The following KIAA0930 variants were observed in gnomAD, a reference collection of about 807,000 sequenced individuals.
The protein encoded by KIAA0930 is uncharacterized protein KIAA0930.
A neutral mutation model predicts 43.9 loss-of-function variants in KIAA0930; 24 were observed. The ratio of observed to expected loss-of-function variants is 0.55; its 90% CI spans 0.40 to 0.77. The LOEUF (loss-of-function observed/expected upper bound fraction) is 0.77. KIAA0930 is among the 30% of genes least tolerant of loss of function. KIAA0930 has a pLI of 0.00. For missense variants in KIAA0930, 461 were observed against 574.2 expected, an observed-to-expected ratio of 0.80 and a Z score of 2.02; for synonymous variants, 259 against 216.4, an observed-to-expected ratio of 1.20 and a Z score of -1.73.
At chr22:45,201,390 C>T (rs1277430267) in intron 7 of KIAA0930, among the ~76,000 whole-genome samples, 1 of 152,196 alleles carries the variant, frequency 6.6e-6, no homozygotes, top group Non-Finnish European at 1.5e-5. Flanking sequence ...GACTTTCACA[C>T]CCCTCACAGC....
rs1194858875 is a variant in KIAA0930 at position 45,193,873 on chromosome 22, A to G, written c.*3303T>C. ...AGGGTATAAACGGAGACCACCTATC[A>G]CTCATCAGAACCTAGGATCATCACA... is the stretch of plus-strand genomic sequence containing the variant. On this transcript the variant is annotated 3_prime_UTR_variant, in exon 10 of 10. Coordinates refer to ENST00000336156, the MANE Select transcript of KIAA0930 (RefSeq NM_001009880.2). The G allele has an allele frequency of 6.6e-6, 1 of 151,960 alleles. No homozygotes were observed. Among genetic ancestry groups the G allele is most frequent in the East Asian group, 1.9e-4 (1 of 5,186 alleles). 9.4% of individuals were successfully genotyped at this position (151,960 alleles called of 1,614,324 possible).
At chr22:45,200,081 T>A (rs752823304) in intron 7 of KIAA0930, 46 bp from the exon 8 acceptor site, 4 of 1,521,930 alleles carry the variant, frequency 2.6e-6, no homozygotes, top group Non-Finnish European at 3.5e-6. Context: ...AACAGCCCCC[T>A]CCCCGGGGGT....
Position 45,230,234 on chromosome 22 carries a change from G to T in KIAA0930, c.64+10406C>A, listed in dbSNP as rs151004635. ...AGGAGTGCAGGGGAGAGCAGACACA[G>T]GGCGGGCAGCGAGTCACGTCTTGGT... On this transcript the variant is annotated intron_variant, in intron 1 of 9. Transcript: ENST00000336156. Among the ~76,000 whole-genome samples the T allele has an allele frequency of 2.2e-4, 34 of 152,324 alleles. No homozygotes were observed. In the East Asian group the frequency reaches 4.8e-3, roughly 22 times the overall value.
In KIAA0930 at chr22:45,194,324, C is replaced by T. The variant is rs997294790; in HGVS notation, c.*2852G>A. The T allele has an allele frequency of 2.0e-5, 3 of 152,120 alleles. No homozygotes were observed. The highest frequency in any genetic ancestry group is 7.2e-5 in the African/African-American group (3 of 41,404). 9.4% of individuals were successfully genotyped at this position (152,120 alleles called of 1,614,324 possible). On this transcript the variant is annotated 3_prime_UTR_variant, in exon 10 of 10. Coordinates refer to ENST00000336156, the MANE Select transcript of KIAA0930 (RefSeq NM_001009880.2). Reference sequence around the variant, plus strand: ...TCCTGATCTCAGGTGATCCACCCATCTCAGCCTCCCAAAGTGCTGGGATTA... The same window carrying T: ...TCCTGATCTCAGGTGATCCACCCATTTCAGCCTCCCAAAGTGCTGGGATTA...
intron 3 of KIAA0930, 23 bp downstream of exon 3, chr22:45,205,770 G>GGGGGC: frequency 5.8e-5 from 89 of 1,523,390 alleles, no homozygotes; most frequent in Non-Finnish European, 7.6e-5. Flanking sequence ...CCAATCCGCA[G>GGGGGC]CCCCACCCAT....
intron 1 of KIAA0930, among the ~76,000 whole-genome samples, chr22:45,222,304 CTA>C (rs1487425233): frequency 6.6e-6 from 1 of 152,118 alleles, no homozygotes; most frequent in Non-Finnish European, 1.5e-5. Context: ...ATCAATCAAA[CTA>C]TATAAACACT....
At chr22:45,213,241 G>T in intron 1 of KIAA0930, 1 of 1,164,366 alleles carries the variant, frequency 8.6e-7, no homozygotes, top group Non-Finnish European at 1.1e-6. Flanking sequence ...AGGACTCACA[G>T]CCAGCCCCAG....
At chr22:45,216,809 C>T (rs184247560) in intron 1 of KIAA0930, among the ~76,000 whole-genome samples, 113 of 152,212 alleles carry the variant, frequency 7.4e-4, no homozygotes, top group Admixed American at 2.0e-3. Flanking sequence ...GATGTGGCCC[C>T]GAAAGCTGAG....
chr22:45,238,806 G>A (rs1167780079), intron 1 of KIAA0930, among the ~76,000 whole-genome samples: 2 of 151,976 alleles, frequency 1.3e-5, no homozygotes, highest in African/African-American at 2.4e-5. Context: ...AGGCTCTGAG[G>A]TCAGGCTGGC....
chr22:45,215,363 G>A (rs981413918), intron 1 of KIAA0930, among the ~76,000 whole-genome samples: 1 of 152,292 alleles, frequency 6.6e-6, no homozygotes, highest in African/African-American at 2.4e-5. Flanking sequence ...GGAACTCTCC[G>A]ATATGCTAGA....
chr22:45,226,610 T>C (rs1163136338), intron 1 of KIAA0930, among the ~76,000 whole-genome samples: 2 of 151,948 alleles, frequency 1.3e-5, no homozygotes, highest in Non-Finnish European at 2.9e-5. Context: ...GCTGAAACAG[T>C]GGTTCCATAT....
intron 1 of KIAA0930, among the ~76,000 whole-genome samples, chr22:45,218,534 G>A (rs949880472): frequency 9.9e-5 from 15 of 151,484 alleles, no homozygotes; most frequent in Non-Finnish European, 7.4e-5. Flanking sequence ...AGATCCTCAT[G>A]GCAACTTTAT....
At position 45,197,883 on chromosome 22, in the gene KIAA0930, C is replaced by T; in HGVS notation, c.1081G>A (p.Gly361Arg). 1.2e-6 allele frequency: 2 copies of T among 1,614,194 alleles called. No homozygotes were observed. The highest frequency in any genetic ancestry group is 8.5e-7 in the Non-Finnish European group (1 of 1,180,018). The change falls in exon 9 of 10, where the codon GGG becomes AGG. Residue 361 changes from glycine to arginine, a missense_variant. Transcript: ENST00000336156. The part of the protein sequence containing the change: ...SLSGTGRSLV[G>R]SWLKLNRADG... Reference sequence around the variant, plus strand: ...GCTCTGTTCAGCTTCAGCCAGGACCCGACCAGGGACCGTCCTGTGCCCGAC... The same window carrying T: ...GCTCTGTTCAGCTTCAGCCAGGACCTGACCAGGGACCGTCCTGTGCCCGAC...
chr22:45,218,438 C>G (rs2083747353), intron 1 of KIAA0930, among the ~76,000 whole-genome samples: 1 of 150,136 alleles, frequency 6.7e-6, no homozygotes, highest in South Asian at 2.1e-4. Flanking sequence ...CCTGCCTCAG[C>G]CTCCCAAAGT....
At chr22:45,198,959 A>G (rs1358124359) in intron 8 of KIAA0930, among the ~76,000 whole-genome samples, 1 of 152,076 alleles carries the variant, frequency 6.6e-6, no homozygotes, top group Non-Finnish European at 1.5e-5. Context: ...CCAATCCTTC[A>G]CTTCCATACA....
intron 1 of KIAA0930, among the ~76,000 whole-genome samples, chr22:45,214,492 A>G (rs6007503): frequency 0.092 from 13,938 of 152,316 alleles, 694 homozygotes; most frequent in East Asian, 0.2. Context: ...CTGTATGATC[A>G]CATTCACACG....
intron 1 of KIAA0930, among the ~76,000 whole-genome samples, chr22:45,217,235 C>T (rs1406820255): frequency 6.6e-6 from 1 of 151,902 alleles, no homozygotes; most frequent in Non-Finnish European, 1.5e-5. Context: ...GTGGCGGGCG[C>T]CTGTAATCCC....
chr22:45,209,237 T>G (rs909491), intron 2 of KIAA0930, among the ~76,000 whole-genome samples: 1 of 151,956 alleles, frequency 6.6e-6, no homozygotes, highest in Non-Finnish European at 1.5e-5. Context: ...GGGCGGGAAG[T>G]AGCCAGGCTC....
chr22:45,226,171 G>A (rs1226950925), intron 1 of KIAA0930: 1 of 448,966 alleles, frequency 2.2e-6, no homozygotes, highest in African/African-American at 2.0e-5. Context: ...CTGGCAGGCA[G>A]AACTTTATTC....
Sources: allele counts gnomAD v4.1 joint callset (sites outside exome capture counted in the v4.1 genomes callset), GRCh38; gene constraint gnomAD v4.1.1; transcripts MANE v1.5; gene names NCBI Gene and HGNC (gene_info 2026-07-23, HGNC 2026-07-21).